The following RET variants were observed in gnomAD, a reference collection of about 807,000 sequenced individuals.
RET encodes proto-oncogene tyrosine-protein kinase receptor Ret.
Under a neutral mutation model 118.3 loss-of-function variants are expected in RET, and 19 were observed. The ratio of observed to expected loss-of-function variants is 0.16; its 90% CI spans 0.11 to 0.24. RET has a LOEUF of 0.24. RET is among the 10% of genes least tolerant of loss of function. The pLI is 1.00. For missense variants in RET, 1,219 were observed against 1,502.1 expected (o/e 0.81, Z 3.12); for synonymous variants, 597 against 644.1 (o/e 0.93, Z 1.11).
At chr10:43,107,557 CCTCACA>C (rs1477798134) in intron 5 of RET, among the ~76,000 whole-genome samples, 4 of 105,350 alleles carry the variant, frequency 3.8e-5, no homozygotes, top group African/African-American at 1.6e-4. Context: ...ACCCCCCATG[CCTCACA>C]CACACACACA....
intron 18 of RET, 88 bp from the exon 19 acceptor site, chr10:43,126,487 C>CCT: frequency 8.5e-7 from 1 of 1,175,514 alleles, no homozygotes; most frequent in Middle Eastern, 2.8e-4. Context: ...ACAGCCAGAG[C>CCT]CTCTGCCCTG....
At position 43,114,329 on chromosome 10, in the gene RET, G is replaced by A. The variant is rs1407735732; in HGVS notation, c.1880-151G>A. The stretch of plus-strand genomic sequence containing the variant: ...AATGGCAGTACCCATGCTCGATGGG[G>A]TGTTCTCAGGCCTTCCCACACCTCC... On this transcript the variant is annotated intron_variant, in intron 10 of 19. Transcript: ENST00000355710. The surrounding 1 kb of genome is among the most constrained non-coding windows in gnomAD (Gnocchi z 4.6). 5 of 983,674 alleles carry A rather than the reference G, an allele frequency of 5.1e-6. No individual in the cohort carries two copies. Among genetic ancestry groups the A allele is most frequent in the Admixed American group, 2.0e-5 (1 of 50,050 alleles). 60.9% of individuals were successfully genotyped at this position (983,674 alleles called of 1,614,324 possible).
In RET at chr10:43,124,874, T is replaced by C. The variant is rs531118711; in HGVS notation, c.2940-9T>C. 7 of 1,613,646 alleles carry C rather than the reference T, an allele frequency of 4.3e-6. No individual in the cohort carries two copies. The South Asian group carries it at 7.7e-5, about 18-fold the overall frequency. On this transcript the variant is annotated splice_polypyrimidine_tract_variant and intron_variant, in intron 17 of 19. Coordinates refer to ENST00000355710, the MANE Select transcript of RET (RefSeq NM_020975.6). ...TGGATCATATTGGCCTGTCTGCTCT[T>C]CCCACCAGGTACCGCCTGATGCTGC...
At chr10:43,099,103 C>T (rs2132645594) in intron 1 of RET, among the ~76,000 whole-genome samples, 1 of 152,296 alleles carries the variant, frequency 6.6e-6, no homozygotes, top group South Asian at 2.1e-4. Flanking sequence ...GCACCGTGCC[C>T]CTGCTTGGGC....
Position 43,114,629 on chromosome 10 carries a change from C to A in RET, c.2029C>A (p.Arg677=), listed in dbSNP as rs1432069386. ...PPISSAEMTF[R]RPAQAFPVSY... ...CATCTCCTCAGCTGAGATGACCTTC[C>A]GGAGGCCCGCCCAGGCCTTCCCGGT... The change falls in exon 11 of 20, where the codon CGG becomes AGG. Residue 677 remains arginine, a synonymous_variant. Coordinates refer to ENST00000355710, the MANE Select transcript of RET (RefSeq NM_020975.6). This position sits in a 1 kb window ranked among gnomAD's most constrained non-coding sequence, Gnocchi z 4.6. 1 of 1,613,046 alleles carries A rather than the reference C, an allele frequency of 6.2e-7. No homozygotes were observed. Among genetic ancestry groups the A allele is most frequent in the Admixed American group, 1.7e-5 (1 of 60,026 alleles).
intron 1 of RET, among the ~76,000 whole-genome samples, chr10:43,085,717 G>A (rs533649215): frequency 8.9e-6 from 1 of 112,908 alleles, no homozygotes; most frequent in African/African-American, 2.9e-5. Context: ...GTCAGATGAA[G>A]ACTTGGCACC....
At chr10:43,097,929 G>A (rs560180608) in intron 1 of RET, among the ~76,000 whole-genome samples, 1 of 152,118 alleles carries the variant, frequency 6.6e-6, no homozygotes, top group Non-Finnish European at 1.5e-5. Context: ...AAGAGAGATC[G>A]ATTACATACA....
At chr10:43,083,949 G>A (rs941464242) in intron 1 of RET, among the ~76,000 whole-genome samples, 5 of 152,160 alleles carry the variant, frequency 3.3e-5, no homozygotes, top group African/African-American at 9.7e-5. Flanking sequence ...TCCTGTCCCC[G>A]GGCAACCCCC....
Position 43,095,420 on chromosome 10 carries a change from T to G in RET, c.74-5039T>G, listed in dbSNP as rs2505539. 2.1e-3 allele frequency among the ~76,000 whole-genome samples: 325 copies of G among 152,178 alleles called. 2 individuals carry two copies. Among genetic ancestry groups the G allele is most frequent in the African/African-American group, 7.1e-3 (295 of 41,534 alleles). Reference sequence around the variant, plus strand: ...GCCCTCCACCGATGAAGCTTGGCCTTGTGCTGCCTGCAAAGTAACCTGCTC... The same window carrying G: ...GCCCTCCACCGATGAAGCTTGGCCTGGTGCTGCCTGCAAAGTAACCTGCTC... On this transcript the variant is annotated intron_variant, in intron 1 of 19. Transcript: ENST00000355710.
Position 43,105,158 on chromosome 10 carries a change from A to G in RET, c.832A>G (p.Thr278Ala), listed in dbSNP as rs541929171. 13 of 1,612,722 alleles carry G rather than the reference A, an allele frequency of 8.1e-6. No homozygotes were observed. The East Asian group carries it at 2.9e-4, about 36-fold the overall frequency. Residue 278 changes from threonine (T) to alanine (A), a missense_variant, in exon 4 of 20, where the codon ACC (threonine) becomes GCC (alanine). Physicochemically the swap from Thr to Ala is moderately conservative, Grantham distance 58. This residue lies in a region of RET where 850 missense variants were observed against 969.6 expected (regional missense o/e 0.88). Transcript: ENST00000355710. The stretch of plus-strand genomic sequence containing the variant: ...GCCCACCTTCCCCGCGGGCGTCGAC[A>G]CCGCCAGCGCCGTGGTGGAGTTCAA... ...SAPTFPAGVD[T>A]ASAVVEFKRK...
rs535080963 is a variant in RET at position 43,129,758 on chromosome 10, G to A, written c.*1489G>A. ...TTTTGTGAGGCCAAGGCTTGGATGC[G>A]TGTGTAATAGAGCCTTGTGGTGTGT... On this transcript the variant is annotated 3_prime_UTR_variant, in exon 20 of 20. Coordinates refer to ENST00000355710, the MANE Select transcript of RET (RefSeq NM_020975.6). 3.6e-5 allele frequency: 14 copies of A among 390,438 alleles called. No individual in the cohort carries two copies. The highest frequency in any genetic ancestry group is 1.4e-4 in the South Asian group (1 of 6,938). The allele number at this position is 390,438 out of a possible 1,614,324, so 24.2% of individuals were successfully genotyped here.
rs1257123535 is a variant in RET, at chr10:43,111,472, G to A, written c.1522+7G>A. 1 of 1,607,152 alleles carries A rather than the reference G, an allele frequency of 6.2e-7. No homozygotes were observed. The highest frequency in any genetic ancestry group is 8.5e-7 in the Non-Finnish European group (1 of 1,175,384). On this transcript the variant is annotated splice_region_variant and intron_variant, in intron 7 of 19. Coordinates refer to ENST00000355710, the MANE Select transcript of RET (RefSeq NM_020975.6). ...GTAACAGTGGAGGGGTCATGTGAGTGCCTGCTCCAGGGAGGGAGGGTCGGG... is the reference window on the plus strand; with the variant it reads ...GTAACAGTGGAGGGGTCATGTGAGTACCTGCTCCAGGGAGGGAGGGTCGGG...
At position 43,109,152 on chromosome 10, in the gene RET, G is replaced by A. The variant is rs1160154878; in HGVS notation, c.1185G>A (p.Val395=). ...GAGVLLLHFN[V]SVLPVSLHLP... is the part of the protein sequence containing the mutation. ...GCGTCCTCTTGCTCCACTTCAACGTGTCGGTGCTGCCGGTCAGCCTGCACC... is the reference window on the plus strand; with the variant it reads ...GCGTCCTCTTGCTCCACTTCAACGTATCGGTGCTGCCGGTCAGCCTGCACC... Residue 395 remains valine, a synonymous_variant, in exon 6 of 20, where the codon GTG becomes GTA. Coordinates refer to ENST00000355710, the MANE Select transcript of RET (RefSeq NM_020975.6). 2 of 1,613,690 alleles carry A rather than the reference G, an allele frequency of 1.2e-6. No homozygotes were observed. Among genetic ancestry groups the A allele is most frequent in the Non-Finnish European group, 1.7e-6 (2 of 1,180,026 alleles).
At chr10:43,123,074 GT>G (rs1838254162) in intron 16 of RET, among the ~76,000 whole-genome samples, 1 of 152,202 alleles carries the variant, frequency 6.6e-6, no homozygotes, top group Admixed American at 6.5e-5. Flanking sequence ...CTGCCCTCTG[GT>G]GTGCTCCGTG....
At chr10:43,079,955 G>A (rs1837143827) in intron 1 of RET, among the ~76,000 whole-genome samples, 1 of 152,190 alleles carries the variant, frequency 6.6e-6, no homozygotes, top group Non-Finnish European at 1.5e-5. Context: ...CACTAACCCT[G>A]TCTGGCCTCC....
chr10:43,084,043 G>A (rs1837240654), intron 1 of RET, among the ~76,000 whole-genome samples: 1 of 152,224 alleles, frequency 6.6e-6, no homozygotes, highest in Admixed American at 6.5e-5. Flanking sequence ...TCAGCATAAG[G>A]TCTTCAGGGT....
chr10:43,098,533 T>C (rs1837570353), intron 1 of RET, among the ~76,000 whole-genome samples: 1 of 151,596 alleles, frequency 6.6e-6, no homozygotes, highest in South Asian at 2.1e-4. Flanking sequence ...GCCATTCTCC[T>C]GGCTTAGCCT....
In RET at chr10:43,105,072, C is replaced by A. The variant is rs2132705957; in HGVS notation, c.746C>A (p.Ala249Glu). 6.2e-7 allele frequency: 1 copy of A among 1,610,562 alleles called. No individual in the cohort carries two copies. The highest frequency in any genetic ancestry group is 8.5e-7 in the Non-Finnish European group (1 of 1,179,688). The change falls in exon 4 of 20, where the codon GCG (alanine) becomes GAG (glutamate). Residue 249 changes from alanine to glutamate, a missense_variant. Physicochemically the swap from Ala to Glu is moderately radical, Grantham distance 107. Coordinates refer to ENST00000355710, the MANE Select transcript of RET (RefSeq NM_020975.6). ...LVAVCTVHAG[A>E]REEVVMVPFP... ...GCCGTGTGCACCGTGCACGCCGGCG[C>A]GCGCGAGGAGGTGGTGATGGTGCCC...
chr10:43,109,388 A>G (rs1837864787), intron 6 of RET, among the ~76,000 whole-genome samples, 158 bp downstream of exon 6: 1 of 152,156 alleles, frequency 6.6e-6, no homozygotes, highest in Non-Finnish European at 1.5e-5. Flanking sequence ...TGTGCACAGA[A>G]GAGGCCTGGG....
Sources: allele counts gnomAD v4.1 joint callset (sites outside exome capture counted in the v4.1 genomes callset), GRCh38; gene constraint gnomAD v4.1.1; regional missense constraint gnomAD v4.1.1; non-coding constraint Gnocchi (gnomAD v3.1); transcripts MANE v1.5; gene names NCBI Gene and HGNC (gene_info 2026-07-23, HGNC 2026-07-21).